SND1: variants seen among roughly 807,000 people sequenced by gnomAD.
SND1 encodes staphylococcal nuclease and tudor domain containing 1.
A neutral mutation model predicts 121.7 loss-of-function variants in SND1; 38 were observed. The ratio of observed to expected loss-of-function variants is 0.31; its 90% CI spans 0.24 to 0.41. The LOEUF is 0.41. SND1 is among the 10% of genes least tolerant of loss of function. SND1 has a pLI of 1.00. For synonymous variants in SND1, 401 were observed against 447.4 expected, an observed-to-expected ratio of 0.90 and a Z score of 1.31; for missense variants, 868 against 1,184.6, an observed-to-expected ratio of 0.73 and a Z score of 3.92.
rs893058207 is a variant in SND1, at chr7:127,854,614, G to A, written c.1343+10190G>A. On this transcript the variant is annotated intron_variant, in intron 12 of 23. Transcript: ENST00000354725. ...AGTGCCATGATGTGATAAGGAGAAG[G>A]GGGCATTCGACATGGTTACTAATAA... 7.3e-5 allele frequency among the ~76,000 whole-genome samples: 11 copies of A among 151,316 alleles called. No individual in the cohort carries two copies. In the East Asian group the frequency reaches 1.7e-3, roughly 24 times the overall value.
intron 11 of SND1, among the ~76,000 whole-genome samples, chr7:127,815,990 G>A (rs923803606): frequency 1.3e-5 from 2 of 152,164 alleles, no homozygotes; most frequent in African/African-American, 4.8e-5. Context: ...TACTCCTCCT[G>A]GGTGGTAATG....
chr7:128,039,593 A>G (rs763546161), intron 16 of SND1, among the ~76,000 whole-genome samples: 5 of 152,286 alleles, frequency 3.3e-5, no homozygotes, highest in East Asian at 1.9e-4. Flanking sequence ...CAGATTTATG[A>G]AGGAGAGTTT....
intron 9 of SND1, among the ~76,000 whole-genome samples, chr7:127,710,576 A>C (rs1178341594): frequency 6.6e-6 from 1 of 152,016 alleles, no homozygotes; most frequent in Non-Finnish European, 1.5e-5. Context: ...TTTGTGTGTA[A>C]TTTTTAAGTT....
rs1334856982 is a variant in SND1 at position 127,958,208 on chromosome 7, A to G, written c.1669+28879A>G. ...GCCATTGGGAGCTTCTTCCCTGTCA[A>G]ATCTCACTGGTCCCTGCTACCAGTG... On this transcript the variant is annotated intron_variant, in intron 15 of 23. Coordinates refer to ENST00000354725, the MANE Select transcript of SND1 (RefSeq NM_014390.4). 3.9e-5 allele frequency among the ~76,000 whole-genome samples: 6 copies of G among 152,322 alleles called. No individual in the cohort carries two copies. The East Asian group carries it at 9.6e-4, about 24-fold the overall frequency.
At chr7:127,877,391 A>G (rs1584635521) in intron 12 of SND1, among the ~76,000 whole-genome samples, 1 of 152,090 alleles carries the variant, frequency 6.6e-6, no homozygotes, top group East Asian at 1.9e-4. Context: ...TTCCATGTAT[A>G]TTTCTATCTT....
intron 16 of SND1, chr7:127,999,169 G>A (rs956819770): frequency 5.3e-5 from 8 of 152,314 alleles, no homozygotes; most frequent in African/African-American, 1.9e-4. Context: ...GGGATTAGGA[G>A]TGGAATGAGG....
chr7:127,706,459 C>T (rs1387695252), intron 8 of SND1, among the ~76,000 whole-genome samples: 1 of 152,014 alleles, frequency 6.6e-6, no homozygotes, highest in East Asian at 1.9e-4. Flanking sequence ...TGGGTTTCAC[C>T]ACGTTGGCCA....
At chr7:128,034,123 C>T (rs970472336) in intron 16 of SND1, among the ~76,000 whole-genome samples, 1 of 152,072 alleles carries the variant, frequency 6.6e-6, no homozygotes, top group Non-Finnish European at 1.5e-5. Context: ...ACCCTGAGTC[C>T]GATGTTTTCA....
In SND1 at chr7:127,674,388, AT is replaced by A. The variant is rs1034713601; in HGVS notation, c.79-12216del. ...AAGGGTTTACTTCTAATCCAACAGG[AT>A]TTTTTTTTCTGGACTTTCTGTATCT... On this transcript the variant is annotated intron_variant, in intron 1 of 23. Coordinates refer to ENST00000354725, the MANE Select transcript of SND1 (RefSeq NM_014390.4). Among the ~76,000 whole-genome samples the A allele has an allele frequency of 7.2e-5, 11 of 151,822 alleles. 1 individual carries two copies. In the East Asian group the frequency reaches 1.5e-3, roughly 21 times the overall value.
intron 15 of SND1, among the ~76,000 whole-genome samples, chr7:127,959,678 C>T (rs940678902): frequency 6.6e-6 from 1 of 152,208 alleles, no homozygotes; most frequent in Non-Finnish European, 1.5e-5. Context: ...TCTCCCTCTT[C>T]CATAGCACTG....
intron 11 of SND1, among the ~76,000 whole-genome samples, chr7:127,833,209 A>G (rs1013251282): frequency 1.4e-5 from 2 of 144,972 alleles, no homozygotes; most frequent in Admixed American, 6.9e-5. Context: ...ACTTCTAATT[A>G]TGGTTTTGGG....
At chr7:127,833,838 A>G (rs1798812072) in intron 11 of SND1, among the ~76,000 whole-genome samples, 1 of 152,204 alleles carries the variant, frequency 6.6e-6, no homozygotes, top group Non-Finnish European at 1.5e-5. Flanking sequence ...CTCTTGCACA[A>G]TCGAAACTCT....
intron 15 of SND1, among the ~76,000 whole-genome samples, chr7:127,987,184 G>A (rs1446144580): frequency 2.0e-5 from 3 of 152,236 alleles, no homozygotes; most frequent in Admixed American, 1.3e-4. Flanking sequence ...CTGAGGCCCT[G>A]TGTGGCTTGG....
chr7:128,077,722 G>T (rs1477119504), intron 17 of SND1, among the ~76,000 whole-genome samples: 1 of 152,226 alleles, frequency 6.6e-6, no homozygotes, highest in East Asian at 1.9e-4. Flanking sequence ...CATGCTTAGA[G>T]GTGGTCCATG....
intron 12 of SND1, among the ~76,000 whole-genome samples, chr7:127,850,838 T>C (rs1331784754): frequency 6.6e-6 from 1 of 152,198 alleles, no homozygotes; most frequent in African/African-American, 2.4e-5. Context: ...TAACAATACT[T>C]GAGAAAGAAG....
chr7:128,004,136 G>C (rs1802905076), intron 16 of SND1, among the ~76,000 whole-genome samples: 2 of 150,728 alleles, frequency 1.3e-5, no homozygotes, highest in African/African-American at 4.9e-5. Context: ...ATTTCTGAAT[G>C]ATACAGTTAT....
intron 1 of SND1, among the ~76,000 whole-genome samples, chr7:127,665,926 G>A (rs1396141788): frequency 6.6e-6 from 1 of 152,170 alleles, no homozygotes; most frequent in Non-Finnish European, 1.5e-5. Flanking sequence ...ATTCCTCCCG[G>A]TGTGTAAGGT....
At chr7:127,892,309 G>A (rs114002103) in intron 13 of SND1, among the ~76,000 whole-genome samples, 1,672 of 152,150 alleles carry the variant, frequency 0.011, 9 homozygotes, top group Non-Finnish European at 0.018. Flanking sequence ...GGAGTGATGC[G>A]GTAGGCACTC....
intron 10 of SND1, among the ~76,000 whole-genome samples, chr7:127,746,063 A>G (rs1796975519): frequency 6.6e-6 from 1 of 152,078 alleles, no homozygotes; most frequent in Non-Finnish European, 1.5e-5. Flanking sequence ...CAGATTTTTG[A>G]CAACACAGAA....
Sources: allele counts gnomAD v4.1 joint callset (sites outside exome capture counted in the v4.1 genomes callset), GRCh38; gene constraint gnomAD v4.1.1; transcripts MANE v1.5; gene names NCBI Gene and HGNC (gene_info 2026-07-23, HGNC 2026-07-21).